Variants in SATB1 observed in about 807,000 individuals in gnomAD.
SATB1 encodes the protein DNA-binding protein SATB1.
A neutral mutation model predicts 86.9 loss-of-function variants in SATB1; 11 were observed. The observed-to-expected ratio is 0.13, with a 90% CI of 0.08 to 0.21. The LOEUF is 0.21. Ranked by LOEUF, SATB1 falls within the 10% of genes least tolerant of loss-of-function variation. SATB1 has a pLI of 1.00. For synonymous variants in SATB1, 357 were observed against 357.2 expected, an observed-to-expected ratio of 1.00 and a Z score of 0.01; for missense variants, 551 against 937.6, an observed-to-expected ratio of 0.59 and a Z score of 5.39.
chr3:18,358,046 ACT>A (rs1383098999), intron 9 of SATB1, among the ~76,000 whole-genome samples: 1 of 152,008 alleles, frequency 6.6e-6, no homozygotes, highest in Non-Finnish European at 1.5e-5. Context: ...GTGAACTGAT[ACT>A]TTAAATACAT....
chr3:18,364,194 C>A (rs1301528584), intron 9 of SATB1, among the ~76,000 whole-genome samples: 1 of 152,108 alleles, frequency 6.6e-6, no homozygotes, highest in African/African-American at 2.4e-5. Flanking sequence ...ATGGACCCTT[C>A]TGGGAGTCTG....
Position 18,352,181 on chromosome 3 carries a change from C to G in SATB1, c.1590G>C (p.Glu530Asp). 1 of 1,614,188 alleles carries G rather than the reference C, an allele frequency of 6.2e-7. No individual in the cohort carries two copies. The highest frequency in any genetic ancestry group is 8.5e-7 in the Non-Finnish European group (1 of 1,180,046). The change falls in exon 10 of 11, where the codon GAG becomes GAC. Residue 530 changes from glutamate (E) to aspartate (D), a missense_variant. Physicochemically the swap from Glu to Asp is conservative, Grantham distance 45. Around this residue, in one of 8 missense-constraint regions of SATB1, gnomAD observed 110 missense variants for 212.2 expected, o/e 0.52. Transcript: ENST00000338745. The surrounding 1 kb of genome is among the most constrained non-coding windows in gnomAD (Gnocchi z 4.1). ...AAGGATCTTCTTTCCAGCGTAACAG[C>G]TCGCACAACCATCCCTTAGAGACAA... ...AATKSQGWLC[E>D]LLRWKEDPSP...
chr3:18,386,465 G>A lies in SATB1; in HGVS notation c.1353C>T (p.Ser451=), dbSNP rs750462250. ...GACCCATGGCCGAGGCAGCATTCAA[G>A]CTCCTTTCCCTTTCGTCCTGGTATA... ...DRIYQDERER[S]LNAASAMGPA... The change falls in exon 8 of 11, where the codon AGC becomes AGT. Residue 451 remains serine (S), a synonymous_variant. Coordinates refer to ENST00000338745, the MANE Select transcript of SATB1 (RefSeq NM_002971.6). The surrounding 1 kb of genome is among the most constrained non-coding windows in gnomAD (Gnocchi z 4.5). The A allele has an allele frequency of 4.3e-6, 7 of 1,614,144 alleles. No homozygotes were observed. Among genetic ancestry groups the A allele is most frequent in the Non-Finnish European group, 5.1e-6 (6 of 1,180,040 alleles).
Position 18,358,263 on chromosome 3 carries a change from ACTTGT to A in SATB1, c.1576-6073_1576-6069del, listed in dbSNP as rs1338671123. 3.9e-5 allele frequency among the ~76,000 whole-genome samples: 6 copies of A among 152,142 alleles called. No individual in the cohort carries two copies. The South Asian group carries it at 8.3e-4, about 21-fold the overall frequency. The stretch of plus-strand genomic sequence containing the variant: ...TCCCATCATGTCCTGTAATAAAAAC[ACTTGT>A]CTTAAGATATTGTTCTTTACCTAAC... On this transcript the variant is annotated intron_variant, in intron 9 of 10. Coordinates refer to ENST00000338745, the MANE Select transcript of SATB1 (RefSeq NM_002971.6).
In SATB1 at chr3:18,346,084, C is replaced by G. The variant is rs1466218073; in HGVS notation, c.*3086G>C. The G allele has an allele frequency of 1.3e-5, 2 of 152,072 alleles. No homozygotes were observed. The highest frequency in any genetic ancestry group is 4.8e-5 in the African/African-American group (2 of 41,438). 9.4% of individuals were successfully genotyped at this position (152,072 alleles called of 1,614,324 possible). On this transcript the variant is annotated 3_prime_UTR_variant, in exon 11 of 11. Coordinates refer to ENST00000338745, the MANE Select transcript of SATB1 (RefSeq NM_002971.6). ...ATACACATTTTATACATAATATGTA[C>G]AGACTTTGTTACCAAGCGCCACACA...
At chr3:18,351,748 G>T (rs1694373487) in intron 10 of SATB1, 1 of 543,458 alleles carries the variant, frequency 1.8e-6, no homozygotes, top group Non-Finnish European at 3.3e-6. Context: ...TGCCAAACGA[G>T]TGTAAAAAAG....
At position 18,386,032 on chromosome 3, in the gene SATB1, T is replaced by C. The variant is rs1284128118; in HGVS notation, c.1419+367A>G. On this transcript the variant is annotated intron_variant, in intron 8 of 10. Coordinates refer to ENST00000338745, the MANE Select transcript of SATB1 (RefSeq NM_002971.6). The surrounding 1 kb of genome is among the most constrained non-coding windows in gnomAD (Gnocchi z 4.5). Reference sequence around the variant, plus strand: ...ATGAAATTATTTATTTTTATTTATTTACTATTCAAATGGCGATTCTGAAAC... The same window carrying C: ...ATGAAATTATTTATTTTTATTTATTCACTATTCAAATGGCGATTCTGAAAC... Among the ~76,000 whole-genome samples the C allele has an allele frequency of 2.0e-5, 3 of 152,206 alleles. No individual in the cohort carries two copies. Among genetic ancestry groups the C allele is most frequent in the Non-Finnish European group, 4.4e-5 (3 of 68,050 alleles).
chr3:18,412,986 CTA>C (rs1428833164), intron 5 of SATB1, among the ~76,000 whole-genome samples: 1 of 152,008 alleles, frequency 6.6e-6, no homozygotes, highest in Non-Finnish European at 1.5e-5. Flanking sequence ...CACTCCTAAA[CTA>C]TGCATAATTT....
chr3:18,429,070 T>G (rs1195641325), upstream of SATB1, among the ~76,000 whole-genome samples: 1 of 152,204 alleles, frequency 6.6e-6, no homozygotes, highest in Non-Finnish European at 1.5e-5. The surrounding 1 kb of genome is among the most constrained non-coding windows in gnomAD (Gnocchi z 4.1). Flanking sequence ...GCAGCACAAT[T>G]TATGTAGCAT....
chr3:18,371,928 T>C (rs889996963), intron 9 of SATB1, among the ~76,000 whole-genome samples: 1 of 152,200 alleles, frequency 6.6e-6, no homozygotes, highest in African/African-American at 2.4e-5. Context: ...TGAAACCTTG[T>C]TGATTTGCTG....
upstream of SATB1, among the ~76,000 whole-genome samples, chr3:18,443,576 C>T (rs1407889676): frequency 2.0e-5 from 3 of 152,214 alleles, no homozygotes; most frequent in East Asian, 3.9e-4. This position sits in a 1 kb window ranked among gnomAD's most constrained non-coding sequence, Gnocchi z 4.4. Flanking sequence ...ATCCCTATGC[C>T]CCTTTCCCCT....
At chr3:18,397,096 C>T in intron 6 of SATB1, 83 bp downstream of exon 6, 2 of 802,408 alleles carry the variant, frequency 2.5e-6, no homozygotes, top group Non-Finnish European at 2.2e-6. Flanking sequence ...AATCAAAAGA[C>T]CTGGCTTTAG....
upstream of SATB1, chr3:18,425,339 T>TGGCGGCGGC (rs772437246): frequency 1.6e-4 from 23 of 148,154 alleles, no homozygotes; most frequent in African/African-American, 7.8e-5. Context: ...AGCGAGAAAG[T>TGGCGGCGGC]GGCGGCGGCG....
chr3:18,355,995 A>G (rs1379374593), intron 9 of SATB1, among the ~76,000 whole-genome samples: 1 of 151,994 alleles, frequency 6.6e-6, no homozygotes. Context: ...TCAAACTGAC[A>G]AAGTTTAATT....
chr3:18,351,612 G>A (rs776825947), intron 10 of SATB1: 23 of 550,826 alleles, frequency 4.2e-5, no homozygotes, highest in Non-Finnish European at 7.1e-5. Context: ...AACAGCGGTT[G>A]CTCTTTTCCT....
At position 18,394,225 on chromosome 3, in the gene SATB1, A is replaced by C. The variant is rs1180544922; in HGVS notation, c.1206+237T>G. On this transcript the variant is annotated intron_variant, in intron 7 of 10. Coordinates refer to ENST00000338745, the MANE Select transcript of SATB1 (RefSeq NM_002971.6). The surrounding 1 kb of genome is among the most constrained non-coding windows in gnomAD (Gnocchi z 5.9). ...TTTAAAGTACGTTTGACATTTAATT[A>C]GTCTTTCAAAGGCCCTGAATTGGGA... 6.6e-6 allele frequency among the ~76,000 whole-genome samples: 1 copy of C among 152,256 alleles called. No individual in the cohort carries two copies. Among genetic ancestry groups the C allele is most frequent in the Non-Finnish European group, 1.5e-5 (1 of 68,044 alleles).
At position 18,385,937 on chromosome 3, in the gene SATB1, T is replaced by C. The variant is rs1035254864; in HGVS notation, c.1419+462A>G. On this transcript the variant is annotated intron_variant, in intron 8 of 10. Coordinates refer to ENST00000338745, the MANE Select transcript of SATB1 (RefSeq NM_002971.6). ...TCAAGGATTTTATTAAACTTAATTA[T>C]GAAAGATTACAAATGAGATGGTGTG... Among the ~76,000 whole-genome samples, 6 of 152,178 alleles carry C rather than the reference T, an allele frequency of 3.9e-5. No homozygotes were observed. In the South Asian group the frequency reaches 1.0e-3, roughly 26 times the overall value.
chr3:18,385,438 C>G (rs1040262426), intron 8 of SATB1, among the ~76,000 whole-genome samples: 1 of 151,912 alleles, frequency 6.6e-6, no homozygotes, highest in African/African-American at 2.4e-5. Context: ...CTGACTAACA[C>G]GGTGAAACCC....
intron 2 of SATB1, among the ~76,000 whole-genome samples, chr3:18,434,379 A>C (rs759280118): frequency 1.7e-4 from 26 of 151,774 alleles, no homozygotes; most frequent in Non-Finnish European, 3.4e-4. Flanking sequence ...CCAAGTAAGA[A>C]TAAGTATATA....
Sources: allele counts gnomAD v4.1 joint callset (sites outside exome capture counted in the v4.1 genomes callset), GRCh38; gene constraint gnomAD v4.1.1; regional missense constraint gnomAD v4.1.1; non-coding constraint Gnocchi (gnomAD v3.1); transcripts MANE v1.5; gene names NCBI Gene and HGNC (gene_info 2026-07-23, HGNC 2026-07-21).